Variants in GALNTL6 observed in about 807,000 individuals in gnomAD.
GALNTL6 encodes the protein polypeptide N-acetylgalactosaminyltransferase-like 6.
A neutral mutation model predicts 73.7 loss-of-function variants in GALNTL6; 46 were observed. That is an observed-to-expected ratio of 0.62 (90% CI 0.49 to 0.80). The LOEUF (loss-of-function observed/expected upper bound fraction) is 0.80, where lower values mean the gene tolerates loss of function less well. Among genes scored for constraint, GALNTL6 ranks in the 30% least tolerant of loss-of-function variants. The probability of loss-of-function intolerance (pLI) is 0.00; values close to 1 mark genes in which losing one functional copy is unlikely to be tolerated. For synonymous variants in GALNTL6, 259 were observed against 263.7 expected, an observed-to-expected ratio of 0.98 and a Z score of 0.17; for missense variants, 604 against 755.0, an observed-to-expected ratio of 0.80 and a Z score of 2.34.
At chr4:172,533,407 C>T (rs1315084385) in intron 5 of GALNTL6, among the ~76,000 whole-genome samples, 1 of 132,390 alleles carries the variant, frequency 7.6e-6, no homozygotes. Flanking sequence ...TTACTGCAAC[C>T]TCCGCCTCCC....
At chr4:172,607,068 A>C (rs112247054) in intron 5 of GALNTL6, among the ~76,000 whole-genome samples, 10 of 152,140 alleles carry the variant, frequency 6.6e-5, no homozygotes, top group African/African-American at 2.2e-4. Context: ...TGGACTTGAG[A>C]AATATTGATG....
At chr4:171,905,671 C>G (rs1480079693) in intron 2 of GALNTL6, among the ~76,000 whole-genome samples, 1 of 150,382 alleles carries the variant, frequency 6.6e-6, no homozygotes, top group Non-Finnish European at 1.5e-5. Flanking sequence ...ACTCTCCACC[C>G]CAATTCAACA....
chr4:172,305,204 A>G (rs779134125), intron 3 of GALNTL6, among the ~76,000 whole-genome samples: 13 of 152,170 alleles, frequency 8.5e-5, no homozygotes. Context: ...ATAAAATGTC[A>G]TTTAGCCAGG....
chr4:171,923,345 G>C (rs1003053589), intron 2 of GALNTL6, among the ~76,000 whole-genome samples: 9 of 150,514 alleles, frequency 6.0e-5, no homozygotes, highest in African/African-American at 4.9e-5. Context: ...ACGAGGCTGA[G>C]TTTCACTTCA....
intron 7 of GALNTL6, among the ~76,000 whole-genome samples, chr4:172,835,508 C>T (rs1047108977): frequency 1.3e-5 from 2 of 152,150 alleles, no homozygotes; most frequent in African/African-American, 4.8e-5. Context: ...AGTGTGGAGT[C>T]CACACACGGT....
chr4:171,817,601 CATTA>C (rs1481422333), intron 2 of GALNTL6, among the ~76,000 whole-genome samples: 1 of 151,544 alleles, frequency 6.6e-6, no homozygotes, highest in Non-Finnish European at 1.5e-5. Context: ...TCTGATTACA[CATTA>C]ATTGTTTGTA....
At chr4:172,813,170 C>T (rs1208755408) in intron 6 of GALNTL6, among the ~76,000 whole-genome samples, 3 of 152,160 alleles carry the variant, frequency 2.0e-5, no homozygotes, top group Non-Finnish European at 4.4e-5. Context: ...TCTCAGCAGG[C>T]TCCAGCAGTA....
chr4:172,477,426 G>A (rs1733278894), intron 5 of GALNTL6, among the ~76,000 whole-genome samples: 1 of 152,070 alleles, frequency 6.6e-6, no homozygotes, highest in Non-Finnish European at 1.5e-5. Context: ...AGTTTAGACA[G>A]GCTTCAGGCT....
intron 2 of GALNTL6, among the ~76,000 whole-genome samples, chr4:172,036,699 C>T (rs1163652568): frequency 1.3e-5 from 2 of 152,042 alleles, no homozygotes; most frequent in South Asian, 2.1e-4. Flanking sequence ...CAGTCATAGT[C>T]GTATAGCCTG....
chr4:172,766,895 T>G (rs190169088), intron 5 of GALNTL6, among the ~76,000 whole-genome samples: 149 of 152,298 alleles, frequency 9.8e-4, no homozygotes, highest in African/African-American at 3.5e-3. Context: ...GAGAAGGAAT[T>G]TATTGGCCAT....
At chr4:171,834,840 C>G (rs1252784374) in intron 2 of GALNTL6, among the ~76,000 whole-genome samples, 1 of 151,850 alleles carries the variant, frequency 6.6e-6, no homozygotes, top group Non-Finnish European at 1.5e-5. Flanking sequence ...AACTGATGAA[C>G]CAGGGGGAGG....
intron 5 of GALNTL6, among the ~76,000 whole-genome samples, chr4:172,447,503 A>T (rs1732065761): frequency 6.6e-6 from 1 of 152,192 alleles, no homozygotes; most frequent in Non-Finnish European, 1.5e-5. Flanking sequence ...GTATGTATAG[A>T]AGCTTCATGT....
chr4:172,813,846 G>T, intron 7 of GALNTL6, 123 bp downstream of exon 7: 1 of 664,496 alleles, frequency 1.5e-6, no homozygotes. Flanking sequence ...GCAACAATAT[G>T]CAAAACATCA....
chr4:172,983,412 T>G (rs1047294789), intron 10 of GALNTL6, among the ~76,000 whole-genome samples: 2 of 152,176 alleles, frequency 1.3e-5, no homozygotes, highest in Non-Finnish European at 2.9e-5. Flanking sequence ...ATATGAATAA[T>G]GGACAGGTGC....
Position 172,535,656 on chromosome 4 carries a change from A to G in GALNTL6, c.553+186967A>G, listed in dbSNP as rs1466505325. ...ACACAATACACATTAAGATATGTACATCTCAGTACATTCATTTTTAAATGT... is the reference window on the plus strand; with the variant it reads ...ACACAATACACATTAAGATATGTACGTCTCAGTACATTCATTTTTAAATGT... On this transcript the variant is annotated intron_variant, in intron 5 of 12. Coordinates refer to ENST00000506823, the MANE Select transcript of GALNTL6 (RefSeq NM_001034845.3). Among the ~76,000 whole-genome samples the G allele has an allele frequency of 3.9e-5, 6 of 152,326 alleles. No homozygotes were observed. In the South Asian group the frequency reaches 1.0e-3, roughly 26 times the overall value.
intron 5 of GALNTL6, among the ~76,000 whole-genome samples, chr4:172,786,913 A>C (rs995585047): frequency 6.6e-6 from 1 of 152,232 alleles, no homozygotes; most frequent in African/African-American, 2.4e-5. Context: ...ATTTATCACA[A>C]AGTGAACTAG....
At chr4:172,222,381 C>A (rs1399109250) in intron 2 of GALNTL6, among the ~76,000 whole-genome samples, 2 of 151,802 alleles carry the variant, frequency 1.3e-5, no homozygotes, top group Admixed American at 1.3e-4. Flanking sequence ...TGAAAGCAAC[C>A]TTTTCTTGCA....
rs545372906 is a variant in GALNTL6, at chr4:171,954,726, C to T, written c.138+140008C>T. Reference sequence around the variant, plus strand: ...CCCAAATCTCTTGTCGAATTGTAATCCCCAATGTTGGTGGAGGGGCATGGT... The same window carrying T: ...CCCAAATCTCTTGTCGAATTGTAATTCCCAATGTTGGTGGAGGGGCATGGT... On this transcript the variant is annotated intron_variant, in intron 2 of 12. Coordinates refer to ENST00000506823, the MANE Select transcript of GALNTL6 (RefSeq NM_001034845.3). Among the ~76,000 whole-genome samples the T allele has an allele frequency of 1.6e-3, 236 of 152,198 alleles. 5 individuals carry two copies. The South Asian group carries it at 0.046, about 30-fold the overall frequency.
intron 5 of GALNTL6, among the ~76,000 whole-genome samples, chr4:172,439,033 C>A (rs528313007): frequency 1.3e-5 from 2 of 151,838 alleles, no homozygotes; most frequent in Non-Finnish European, 2.9e-5. Flanking sequence ...CAAATCTCTC[C>A]TCTCTCTCAT....
Sources: gnomAD v4.1 joint callset for allele counts (sites outside exome capture counted in the v4.1 genomes callset) on GRCh38, gnomAD v4.1.1 for gene constraint, MANE v1.5 for transcripts, NCBI Gene and HGNC (gene_info 2026-07-23, HGNC 2026-07-21) for gene names.